ADAMTS7: variants seen among roughly 807,000 people sequenced by gnomAD.
The protein encoded by ADAMTS7 is A disintegrin and metalloproteinase with thrombospondin motifs 7.
In ADAMTS7, 89 loss-of-function variants were observed where a neutral mutation model predicts 172.6. That is an observed-to-expected ratio of 0.52 (90% CI 0.43 to 0.61). ADAMTS7 has a LOEUF of 0.61. Ranked by LOEUF, ADAMTS7 falls within the 20% of genes least tolerant of loss-of-function variation. ADAMTS7 has a pLI of 0.00. For synonymous variants in ADAMTS7, 885 were observed against 978.4 expected (o/e 0.90, Z 1.78); for missense variants, 1,973 against 2,355.6 (o/e 0.84, Z 3.36).
intron 1 of ADAMTS7, chr15:78,810,482 G>A (rs1056484881): frequency 3.9e-5 from 6 of 152,320 alleles, no homozygotes; most frequent in African/African-American, 1.4e-4. Context: ...GGGGCGGGGA[G>A]AGTTAACCCA....
At chr15:78,759,650 C>T in intron 23 of ADAMTS7, 72 bp from the exon 24 acceptor site, 1 of 1,452,266 alleles carries the variant, frequency 6.9e-7, no homozygotes, top group Non-Finnish European at 9.1e-7. Flanking sequence ...CCTACGCCAA[C>T]CACCTTAAGG....
intron 8 of ADAMTS7, 87 bp downstream of exon 8, chr15:78,788,144 G>T: frequency 1.3e-6 from 2 of 1,540,480 alleles, no homozygotes; most frequent in Non-Finnish European, 1.8e-6. Context: ...CCTCTACCCC[G>T]GCCCTGCAGT....
intron 6 of ADAMTS7, 97 bp from the exon 7 acceptor site, chr15:78,789,935 G>A: frequency 2.7e-6 from 4 of 1,459,536 alleles, no homozygotes; most frequent in Non-Finnish European, 3.7e-6. Flanking sequence ...TTGATCCCAA[G>A]CGAAAAGGAT....
chr15:78,771,600 C>T lies in ADAMTS7; in HGVS notation c.2361G>A (p.Glu787=). The T allele has an allele frequency of 6.3e-7, 1 of 1,599,230 alleles. No homozygotes were observed. Reference sequence around the variant, plus strand: ...AGGCAGGCACCTGGATCCAGACAGGCTCCTTGGTGGGACCCGGGGACGTGA... The same window carrying T: ...AGGCAGGCACCTGGATCCAGACAGGTTCCTTGGTGGGACCCGGGGACGTGA... The part of the protein sequence containing the change: ...ENLTSPGPTK[E]PVWIQLLFQE... Residue 787 remains glutamate, a synonymous_variant, in exon 15 of 24, where the codon GAG becomes GAA. Transcript: ENST00000388820. The surrounding 1 kb of genome is among the most constrained non-coding windows in gnomAD (Gnocchi z 4.9).
intron 1 of ADAMTS7, chr15:78,810,839 G>T (rs1212057731): frequency 3.2e-6 from 1 of 309,000 alleles, no homozygotes; most frequent in East Asian, 5.2e-5. Flanking sequence ...CCCGAGGTGG[G>T]GAAACCGGAG....
intron 4 of ADAMTS7, among the ~76,000 whole-genome samples, chr15:78,793,855 T>C (rs557450823): frequency 6.6e-6 from 1 of 152,322 alleles, no homozygotes; most frequent in East Asian, 1.9e-4. Flanking sequence ...GGGGACAGAA[T>C]GGGGCTTTGG....
intron 2 of ADAMTS7, among the ~76,000 whole-genome samples, chr15:78,798,717 A>T (rs1403434661): frequency 6.6e-6 from 1 of 152,158 alleles, no homozygotes; most frequent in African/African-American, 2.4e-5. Flanking sequence ...CATGTCCGCC[A>T]GCATTCAGAG....
chr15:78,806,978 G>A (rs1310036366), intron 1 of ADAMTS7, among the ~76,000 whole-genome samples: 1 of 152,178 alleles, frequency 6.6e-6, no homozygotes, highest in Non-Finnish European at 1.5e-5. Context: ...TGTTGGCCAG[G>A]CTGGTCTCGA....
chr15:78,775,179 G>C (rs2055322849), intron 11 of ADAMTS7, among the ~76,000 whole-genome samples: 1 of 152,186 alleles, frequency 6.6e-6, no homozygotes, highest in Admixed American at 6.5e-5. Flanking sequence ...ACTGCTCCGA[G>C]TCTCCAGCCC....
At chr15:78,808,552 A>G (rs1436967370) in intron 1 of ADAMTS7, among the ~76,000 whole-genome samples, 1 of 152,192 alleles carries the variant, frequency 6.6e-6, no homozygotes, top group Non-Finnish European at 1.5e-5. Context: ...ACCTTTTTTT[A>G]TAGTGAACTT....
Position 78,789,741 on chromosome 15 carries a change from C to T in ADAMTS7, c.1126G>A (p.Glu376Lys), listed in dbSNP as rs762939363. 4 of 1,612,748 alleles carry T rather than the reference C, an allele frequency of 2.5e-6. No individual in the cohort carries two copies. The highest frequency in any genetic ancestry group is 2.2e-5 in the East Asian group (1 of 44,860). Reference sequence around the variant, plus strand: ...AAGGCCAGCGGCAGGCCCGTGTCCTCGTTGATGCTGCAGCTGCGGTGCGGC... The same window carrying T: ...AAGGCCAGCGGCAGGCCCGTGTCCTTGTTGATGCTGCAGCTGCGGTGCGGC... The part of the protein sequence containing the change: ...CQPHRSCSIN[E>K]DTGLPLAFTV... The change falls in exon 7 of 24, where the codon GAG (glutamate) becomes AAG (lysine). Residue 376 changes from glutamate to lysine, a missense_variant. Around this residue, in one of 8 missense-constraint regions of ADAMTS7, gnomAD observed 526 missense variants for 662.9 expected, o/e 0.79. Transcript: ENST00000388820.
Position 78,782,530 on chromosome 15 carries a change from C to T in ADAMTS7, c.1323-4942G>A, listed in dbSNP as rs116916482. Among the ~76,000 whole-genome samples the T allele has an allele frequency of 6.0e-3, 917 of 151,886 alleles. 11 individuals are homozygous for T. The South Asian group carries it at 0.073, about 12-fold the overall frequency. On this transcript the variant is annotated intron_variant, in intron 8 of 23. Transcript: ENST00000388820. ...TTGAGCAGACAGATTTATCGCTGCT[C>T]CCTTCCAAAACTCCACTATGATGAC...
At chr15:78,789,538 G>T in intron 7 of ADAMTS7, 151 bp downstream of exon 7, 1 of 1,116,954 alleles carries the variant, frequency 9.0e-7, no homozygotes, top group Non-Finnish European at 1.3e-6. Flanking sequence ...GGAGGGGACA[G>T]TGCAGGGGCA....
intron 8 of ADAMTS7, among the ~76,000 whole-genome samples, chr15:78,780,819 C>T (rs1040950875): frequency 3.3e-5 from 5 of 152,220 alleles, no homozygotes; most frequent in African/African-American, 7.2e-5. Context: ...GCTCCTTCTC[C>T]GAGTCACTGT....
At chr15:78,775,812 G>C (rs1693447504) in intron 11 of ADAMTS7, among the ~76,000 whole-genome samples, 2 of 152,212 alleles carry the variant, frequency 1.3e-5, no homozygotes, top group African/African-American at 4.8e-5. Flanking sequence ...TACAGATGGG[G>C]AAATGGAGGC....
intron 8 of ADAMTS7, among the ~76,000 whole-genome samples, chr15:78,787,840 A>G (rs1384767993): frequency 1.3e-5 from 2 of 152,014 alleles, no homozygotes; most frequent in Non-Finnish European, 2.9e-5. Flanking sequence ...CTTTGCTCCC[A>G]TAGCCTTGCT....
At chr15:78,796,485 T>C in intron 4 of ADAMTS7, 105 bp downstream of exon 4, 2 of 1,330,866 alleles carry the variant, frequency 1.5e-6, no homozygotes, top group African/African-American at 1.4e-5. Flanking sequence ...GGCCTAGACC[T>C]GGGTCTGGGG....
At chr15:78,804,043 T>C (rs1208644333) in intron 1 of ADAMTS7, among the ~76,000 whole-genome samples, 2 of 152,188 alleles carry the variant, frequency 1.3e-5, no homozygotes, top group African/African-American at 4.8e-5. Context: ...TCCAGACTGC[T>C]TCCTAGGTGA....
At chr15:78,811,047 G>T in intron 1 of ADAMTS7, 74 bp downstream of exon 1, 1 of 1,222,036 alleles carries the variant, frequency 8.2e-7, no homozygotes, top group Non-Finnish European at 1.0e-6. Context: ...CAAAGGTGAG[G>T]AGGGACAAAA....
Sources: gnomAD v4.1 joint callset for allele counts (sites outside exome capture counted in the v4.1 genomes callset) on GRCh38, gnomAD v4.1.1 for gene constraint, gnomAD v4.1.1 regional missense constraint, Gnocchi (gnomAD v3.1) non-coding constraint, MANE v1.5 for transcripts, NCBI Gene and HGNC (gene_info 2026-07-23, HGNC 2026-07-21) for gene names.